Variants in ENTPD5 observed in about 807,000 individuals in gnomAD.
The protein encoded by ENTPD5 is ectonucleoside triphosphate diphosphohydrolase 5 (inactive).
In ENTPD5, 49 loss-of-function variants were observed where a neutral mutation model predicts 60.2. That is an observed-to-expected ratio of 0.81 (90% CI 0.65 to 1.03). The LOEUF (loss-of-function observed/expected upper bound fraction) is 1.03, where lower values mean the gene tolerates loss of function less well. Ranked by LOEUF, ENTPD5 falls within the 50% of genes least tolerant of loss-of-function variation. The pLI is 0.00. For missense variants in ENTPD5, 480 were observed against 507.6 expected (o/e 0.95, Z 0.52); for synonymous variants, 187 against 185.4 (o/e 1.01, Z -0.07).
At position 73,972,995 on chromosome 14, in the gene ENTPD5, C is replaced by A. The variant is rs767802270; in HGVS notation, c.916G>T (p.Glu306Ter). The change falls in exon 13 of 16, where the codon GAA (glutamate) becomes TAA (stop). Residue 306 changes from glutamate (E) to a stop codon, truncating the protein, a stop_gained. Coordinates refer to ENST00000334696, the MANE Select transcript of ENTPD5 (RefSeq NM_001249.5). LOFTEE classifies it high-confidence loss of function. ...TTTCCTCGTACCACCCTCAGCACTT[C>A]GGCATAGCAGGGCTCAAAGCCCACC... ...GEVGFEPCYA[E>*]VLRVVRGKLH... is the part of the protein sequence containing the mutation. 8 of 1,614,198 alleles carry A rather than the reference C, an allele frequency of 5.0e-6. No homozygotes were observed. Among genetic ancestry groups the A allele is most frequent in the Non-Finnish European group, 6.8e-6 (8 of 1,180,040 alleles).
chr14:73,998,978 A>T lies in ENTPD5; in HGVS notation c.-70-10806T>A, dbSNP rs117798650. Among the ~76,000 whole-genome samples the T allele has an allele frequency of 3.1e-4, 47 of 152,272 alleles. 1 individual carries two copies. In the East Asian group the frequency reaches 8.3e-3, roughly 27 times the overall value. The stretch of plus-strand genomic sequence containing the variant: ...AAGATATTGAACTAGGGAGTATCCA[A>T]ATACGAATCTGGTAGTTACATGTAA... On this transcript the variant is annotated intron_variant, in intron 3 of 15. Coordinates refer to ENST00000334696, the MANE Select transcript of ENTPD5 (RefSeq NM_001249.5).
chr14:73,982,054 T>C (rs1436785944), intron 6 of ENTPD5, among the ~76,000 whole-genome samples: 1 of 152,176 alleles, frequency 6.6e-6, no homozygotes, highest in Non-Finnish European at 1.5e-5. Context: ...CATTTAACTG[T>C]ACACCTAAAA....
Position 73,975,978 on chromosome 14 carries a change from G to A in ENTPD5, c.680C>T (p.Ser227Phe). 1 of 1,613,670 alleles carries A rather than the reference G, an allele frequency of 6.2e-7. No individual in the cohort carries two copies. Among genetic ancestry groups the A allele is most frequent in the African/African-American group, 1.3e-5 (1 of 75,020 alleles). Reference protein sequence around the residue: ...LEQTPRGYLTSFEMFNSTYKL... With the variant: ...LEQTPRGYLTFFEMFNSTYKL... ...ATAAGTGCTGTTAAACATCTCAAAG[G>A]AAGTGAGGTAGCCCCTAGGAGTTTG... The change falls in exon 10 of 16, where the codon TCC (serine) becomes TTC (phenylalanine). Residue 227 changes from serine to phenylalanine, a missense_variant. Coordinates refer to ENST00000334696, the MANE Select transcript of ENTPD5 (RefSeq NM_001249.5).
chr14:73,970,190 TTAGA>T, intron 14 of ENTPD5, 65 bp from the exon 15 acceptor site: 1 of 1,247,842 alleles, frequency 8.0e-7, no homozygotes, highest in Non-Finnish European at 1.2e-6. Context: ...GGATTTTCTC[TTAGA>T]AAGAAGTGGA....
chr14:73,992,860 G>A (rs568574337), intron 3 of ENTPD5, among the ~76,000 whole-genome samples: 75 of 151,500 alleles, frequency 5.0e-4, no homozygotes, highest in African/African-American at 1.7e-3. Flanking sequence ...AAAATTAGCC[G>A]GGCATGGTGG....
chr14:74,002,272 CAAG>C (rs1196905627), intron 3 of ENTPD5, among the ~76,000 whole-genome samples: 3 of 151,996 alleles, frequency 2.0e-5, no homozygotes, highest in African/African-American at 7.3e-5. Context: ...GTAGGCCACC[CAAG>C]AAGGATTATC....
At position 73,983,027 on chromosome 14, in the gene ENTPD5, C is replaced by T. The variant is rs1023611175; in HGVS notation, c.432G>A (p.Leu144=). The T allele has an allele frequency of 1.9e-6, 3 of 1,613,606 alleles. No individual in the cohort carries two copies. The highest frequency in any genetic ancestry group is 2.7e-5 in the African/African-American group (2 of 74,900). Residue 144 remains leucine (L), a synonymous_variant, in exon 6 of 16, where the codon CTG becomes CTA. Coordinates refer to ENST00000334696, the MANE Select transcript of ENTPD5 (RefSeq NM_001249.5). The stretch of plus-strand genomic sequence containing the variant: ...CAGTTTTAAAACTTACCTCAAAGAG[C>T]AGAGCCTTGGCTTTGTGTTCTGGCA... ...RLLPEHKAKA[L]LFEVKEIFRK...
intron 10 of ENTPD5, among the ~76,000 whole-genome samples, chr14:73,975,642 G>A (rs945416720): frequency 6.6e-5 from 10 of 152,060 alleles, no homozygotes; most frequent in African/African-American, 2.2e-4. Flanking sequence ...GACCTCAGGT[G>A]ACCCACCCAC....
chr14:73,980,242 T>C (rs1034430530), intron 6 of ENTPD5, among the ~76,000 whole-genome samples: 5 of 146,356 alleles, frequency 3.4e-5, no homozygotes, highest in African/African-American at 7.6e-5. Context: ...CCACCGCGCC[T>C]GGCCTACTAT....
chr14:73,977,021 T>C lies in ENTPD5; in HGVS notation c.553+3A>G. 6.2e-7 allele frequency: 1 copy of C among 1,611,926 alleles called. No individual in the cohort carries two copies. The highest frequency in any genetic ancestry group is 2.2e-5 in the East Asian group (1 of 44,882). The stretch of plus-strand genomic sequence containing the variant: ...TCTAAAGATAAACTTGAGGATGTAT[T>C]ACCTGTCAGAAAATTCACAGTAACC... On this transcript the variant is annotated splice_donor_region_variant and intron_variant, in intron 8 of 15. Transcript: ENST00000334696.
At chr14:74,015,060 G>A (rs1437966532) in intron 2 of ENTPD5, among the ~76,000 whole-genome samples, 2 of 144,544 alleles carry the variant, frequency 1.4e-5, no homozygotes, top group East Asian at 2.1e-4. Flanking sequence ...CAGCCTGGGC[G>A]ACAGAGCAAG....
downstream of ENTPD5, chr14:73,958,274 G>A: frequency 3.1e-6 from 5 of 1,613,948 alleles, no homozygotes; most frequent in Non-Finnish European, 3.4e-6. Context: ...AGACCAAATT[G>A]TTGGTAGTTG....
intron 8 of ENTPD5, 100 bp downstream of exon 8, chr14:73,976,921 AAAG>A (rs1226876689): frequency 9.1e-6 from 10 of 1,095,660 alleles, no homozygotes; most frequent in African/African-American, 3.2e-5. Flanking sequence ...TTCCTTTTTT[AAAG>A]AAGAAGAAAC....
At chr14:74,001,498 T>TC (rs2058504551) in intron 3 of ENTPD5, among the ~76,000 whole-genome samples, 1 of 147,174 alleles carries the variant, frequency 6.8e-6, no homozygotes, top group African/African-American at 2.5e-5. Context: ...CAAGACTCCA[T>TC]CCCAAAAAAA....
chr14:73,961,053 T>C (rs1204702750), downstream of ENTPD5: 7 of 1,133,458 alleles, frequency 6.2e-6, no homozygotes, highest in Admixed American at 4.0e-5. Context: ...TCAAGATCAG[T>C]GTAGGCAAGT....
chr14:74,011,976 G>A (rs1313482387), intron 2 of ENTPD5, among the ~76,000 whole-genome samples: 2 of 152,084 alleles, frequency 1.3e-5, no homozygotes, highest in African/African-American at 4.8e-5. Context: ...GAACAAAAAA[G>A]TTAAACTTAC....
chr14:74,003,561 T>G (rs1594941609), intron 3 of ENTPD5: 1 of 672,142 alleles, frequency 1.5e-6, no homozygotes, highest in East Asian at 3.3e-5. Context: ...GTTGTGGGAC[T>G]GCATGCTATT....
chr14:74,011,522 C>T lies in ENTPD5; in HGVS notation c.-130-372G>A, dbSNP rs1043696479. Among the ~76,000 whole-genome samples, 7 of 152,224 alleles carry T rather than the reference C, an allele frequency of 4.6e-5. No homozygotes were observed. The East Asian group carries it at 9.6e-4, about 21-fold the overall frequency. ...TCATAAGTAAAGTACACAGACTGGG[C>T]GCAGCAACTCACGCCTATAATCCTA... is the stretch of plus-strand genomic sequence containing the variant. On this transcript the variant is annotated intron_variant, in intron 2 of 15. Transcript: ENST00000334696.
At chr14:74,012,578 AC>A (rs972244830) in intron 2 of ENTPD5, among the ~76,000 whole-genome samples, 5 of 152,202 alleles carry the variant, frequency 3.3e-5, no homozygotes, top group African/African-American at 9.7e-5. Context: ...TCAAACACCT[AC>A]AGGCACCAGG....
Sources: gnomAD v4.1 joint callset for allele counts (sites outside exome capture counted in the v4.1 genomes callset) on GRCh38, gnomAD v4.1.1 for gene constraint, MANE v1.5 for transcripts, NCBI Gene and HGNC (gene_info 2026-07-23, HGNC 2026-07-21) for gene names.